Variants in RBFOX1 observed in about 807,000 individuals in gnomAD.
RBFOX1 encodes RNA binding protein fox-1 homolog 1.
In RBFOX1, 8 loss-of-function variants were observed where a neutral mutation model predicts 57.7. The ratio of observed to expected loss-of-function variants is 0.14; its 90% CI spans 0.08 to 0.25. RBFOX1 has a LOEUF of 0.25. RBFOX1 is among the 10% of genes least tolerant of loss of function. The pLI is 1.00. For missense variants in RBFOX1, 611 were observed against 548.5 expected (o/e 1.11, Z -1.14); for synonymous variants, 326 against 222.4 (o/e 1.47, Z -4.15).
intron 4 of RBFOX1, among the ~76,000 whole-genome samples, chr16:7,340,058 T>C (rs373836448): frequency 1.1e-4 from 17 of 152,340 alleles, no homozygotes; most frequent in African/African-American, 3.1e-4. Context: ...GTAGATCTTA[T>C]AGTCCATGCA....
Position 7,386,693 on chromosome 16 carries a change from T to C in RBFOX1, c.28-131454T>C, listed in dbSNP as rs185138883. Among the ~76,000 whole-genome samples, 406 of 152,304 alleles carry C rather than the reference T, an allele frequency of 2.7e-3. 10 individuals carry two copies. Among genetic ancestry groups the C allele is most frequent in the Admixed American group, 0.024 (363 of 15,298 alleles). ...AACAGTGCCACAGTAATCATACGTG[T>C]GCATGTATCTTTATAGTAGCATGAT... On this transcript the variant is annotated intron_variant, in intron 4 of 15. Coordinates refer to ENST00000550418, the MANE Select transcript of RBFOX1 (RefSeq NM_018723.4).
chr16:6,308,181 TATA>T (rs1362135108), intron 1 of RBFOX1, among the ~76,000 whole-genome samples: 1 of 152,100 alleles, frequency 6.6e-6, no homozygotes, highest in African/African-American at 2.4e-5. Context: ...TTTTATAAAT[TATA>T]ATAATTTACA....
chr16:6,062,033 G>T (rs978111907), intron 1 of RBFOX1, among the ~76,000 whole-genome samples: 4 of 152,104 alleles, frequency 2.6e-5, no homozygotes, highest in Non-Finnish European at 4.4e-5. Flanking sequence ...TAGAACTCAG[G>T]AAAACACTGA....
chr16:7,513,286 TG>T (rs1262395841), intron 4 of RBFOX1, among the ~76,000 whole-genome samples: 1 of 128,142 alleles, frequency 7.8e-6, no homozygotes, highest in African/African-American at 3.5e-5. Context: ...ATAAAAATAA[TG>T]AATGAATGAA....
At chr16:7,019,101 TGTGTAAA>T (rs1252150184) in intron 3 of RBFOX1, among the ~76,000 whole-genome samples, 2 of 152,132 alleles carry the variant, frequency 1.3e-5, no homozygotes, top group Non-Finnish European at 2.9e-5. Context: ...TGTGTGTGTA[TGTGTAAA>T]GACTGAGAGG....
At chr16:7,206,198 C>G (rs979905188) in intron 4 of RBFOX1, among the ~76,000 whole-genome samples, 3 of 152,092 alleles carry the variant, frequency 2.0e-5, no homozygotes, top group African/African-American at 7.2e-5. Context: ...CATAACCTTT[C>G]TAGGGAGACC....
At chr16:5,990,238 A>G (rs532990067) in intron 4 of RBFOX1, among the ~76,000 whole-genome samples, 1 of 152,152 alleles carries the variant, frequency 6.6e-6, no homozygotes, top group African/African-American at 2.4e-5. Context: ...TGATCCTCCC[A>G]CTTTGGCCTC....
intron 3 of RBFOX1, among the ~76,000 whole-genome samples, chr16:6,923,257 G>C (rs2074880509): frequency 6.6e-6 from 1 of 152,180 alleles, no homozygotes; most frequent in Admixed American, 6.5e-5. Flanking sequence ...ATCCTGGCCA[G>C]GTGTGGTGGC....
At chr16:5,576,328 T>C (rs1381613798) in intron 2 of RBFOX1, among the ~76,000 whole-genome samples, 1 of 152,166 alleles carries the variant, frequency 6.6e-6, no homozygotes. Context: ...CCTGTTAAGA[T>C]TACTTCATAA....
chr16:7,713,080 A>G lies in RBFOX1; in HGVS notation c.*2335A>G, dbSNP rs1301334680. The G allele has an allele frequency of 2.6e-5, 4 of 152,190 alleles. No individual in the cohort carries two copies. Among genetic ancestry groups the G allele is most frequent in the Non-Finnish European group, 5.9e-5 (4 of 68,036 alleles). The allele number at this position is 152,190 out of a possible 1,614,324, so 9.4% of individuals were successfully genotyped here. Reference sequence around the variant, plus strand: ...AAAATGTATGTCAGAGATGTAAACAAACATTTTGGATTTTTTTTAAACAGT... The same window carrying G: ...AAAATGTATGTCAGAGATGTAAACAGACATTTTGGATTTTTTTTAAACAGT... On this transcript the variant is annotated 3_prime_UTR_variant, in exon 16 of 16. Transcript: ENST00000550418.
intron 4 of RBFOX1, among the ~76,000 whole-genome samples, chr16:5,956,788 A>C (rs988691801): frequency 6.7e-6 from 1 of 149,658 alleles, no homozygotes; most frequent in Non-Finnish European, 1.5e-5. Flanking sequence ...TTCCACCTCA[A>C]CTTCCTGTGT....
chr16:7,294,456 C>T (rs902098332), intron 4 of RBFOX1, among the ~76,000 whole-genome samples: 11 of 150,840 alleles, frequency 7.3e-5, no homozygotes, highest in African/African-American at 2.4e-4. Context: ...CAGTTGGCTG[C>T]TCTGATAGAA....
chr16:6,104,448 A>G (rs2096353488), intron 1 of RBFOX1, among the ~76,000 whole-genome samples: 1 of 152,240 alleles, frequency 6.6e-6, no homozygotes, highest in Non-Finnish European at 1.5e-5. Context: ...AATTTATATA[A>G]CATAAAATCC....
chr16:7,055,586 A>G (rs1211256154), intron 4 of RBFOX1, among the ~76,000 whole-genome samples: 1 of 152,150 alleles, frequency 6.6e-6, no homozygotes, highest in Non-Finnish European at 1.5e-5. Flanking sequence ...CTGCAGGAAA[A>G]TAATTCCCAG....
chr16:7,406,218 A>T (rs182499504), intron 4 of RBFOX1, among the ~76,000 whole-genome samples: 216 of 152,332 alleles, frequency 1.4e-3, no homozygotes, highest in South Asian at 4.1e-3. Flanking sequence ...TCACCAAGGT[A>T]ACATCCCCAC....
chr16:6,702,124 T>A (rs2061947760), intron 3 of RBFOX1, among the ~76,000 whole-genome samples: 2 of 152,222 alleles, frequency 1.3e-5, no homozygotes, highest in South Asian at 4.2e-4. Flanking sequence ...GACCTCGTGG[T>A]AAATCACTCA....
At chr16:5,819,480 A>G (rs1442038865) in intron 3 of RBFOX1, among the ~76,000 whole-genome samples, 1 of 152,154 alleles carries the variant, frequency 6.6e-6, no homozygotes, top group African/African-American at 2.4e-5. Flanking sequence ...GCATGACCTC[A>G]CTGTGCCACT....
chr16:5,847,139 T>G lies in RBFOX1; in HGVS notation c.319-20164T>G, dbSNP rs144040291. ...TGTTCTCTGGAAGTCATTTGAAGAA[T>G]GAAATTGAATTTGGTGACTCCAGGA... is the stretch of plus-strand genomic sequence containing the variant. On this transcript the variant is annotated intron_variant, in intron 3 of 19. Coordinates refer to the RBFOX1 transcript ENST00000641259. 1.4e-3 allele frequency among the ~76,000 whole-genome samples: 206 copies of G among 152,292 alleles called. 1 individual carries two copies. Among genetic ancestry groups the G allele is most frequent in the African/African-American group, 4.9e-3 (202 of 41,552 alleles).
intron 1 of RBFOX1, among the ~76,000 whole-genome samples, chr16:6,183,083 A>G (rs1445949659): frequency 1.3e-5 from 2 of 152,166 alleles, no homozygotes; most frequent in Non-Finnish European, 2.9e-5. Flanking sequence ...ATGAAGAAAA[A>G]TCTTTCTCTC....
Sources: gnomAD v4.1 joint callset for allele counts (sites outside exome capture counted in the v4.1 genomes callset) on GRCh38, gnomAD v4.1.1 for gene constraint, MANE v1.5 for transcripts, NCBI Gene and HGNC (gene_info 2026-07-23, HGNC 2026-07-21) for gene names.